The following DCAF1 variants were observed in gnomAD, a reference collection of about 807,000 sequenced individuals.
The protein encoded by DCAF1 is DDB1- and CUL4-associated factor 1.
In DCAF1, 15 loss-of-function variants were observed where a neutral mutation model predicts 128.0. The observed-to-expected ratio is 0.12, with a 90% CI of 0.08 to 0.18. DCAF1 has a LOEUF of 0.18. Among genes scored for constraint, DCAF1 ranks in the 10% least tolerant of loss-of-function variants. The pLI, the probability that DCAF1 is intolerant of heterozygous loss-of-function variation, is 1.00. For missense variants in DCAF1, 988 were observed against 1,649.5 expected, an observed-to-expected ratio of 0.60 and a Z score of 6.95; for synonymous variants, 610 against 603.0, an observed-to-expected ratio of 1.01 and a Z score of -0.17.
At chr3:51,499,203 C>T (rs969640847) in intron 1 of DCAF1, among the ~76,000 whole-genome samples, 2 of 152,232 alleles carry the variant, frequency 1.3e-5, no homozygotes, top group Non-Finnish European at 2.9e-5. Context: ...CAGTTGAAAA[C>T]TACTATAACC....
chr3:51,436,805 C>T (rs1553636840), intron 9 of DCAF1, among the ~76,000 whole-genome samples: 2 of 152,048 alleles, frequency 1.3e-5, no homozygotes, highest in Admixed American at 6.6e-5. Flanking sequence ...GGGGAAAGAA[C>T]GTAAAGAGAC....
chr3:51,420,903 C>T lies in DCAF1; in HGVS notation c.2067G>A (p.Val689=), dbSNP rs782550143. 10 of 1,613,980 alleles carry T rather than the reference C, an allele frequency of 6.2e-6. No homozygotes were observed. In the East Asian group the frequency reaches 1.8e-4, roughly 29 times the overall value. ...KSALQIIINC[V]CGPDNRISSI... is the part of the protein sequence containing the mutation. ...TGGATATTCGGTTATCTGGGCCACACACACAATTGATGATAATCTGAAGTG... is the reference window on the plus strand; with the variant it reads ...TGGATATTCGGTTATCTGGGCCACATACACAATTGATGATAATCTGAAGTG... Residue 689 remains valine (V), a synonymous_variant, in exon 15 of 25, where the codon GTG becomes GTA. Coordinates refer to ENST00000684031, the MANE Select transcript of DCAF1 (RefSeq NM_001387579.1). This position sits in a 1 kb window ranked among gnomAD's most constrained non-coding sequence, Gnocchi z 6.5.
intron 2 of DCAF1, among the ~76,000 whole-genome samples, chr3:51,492,590 A>G (rs1381251216): frequency 6.6e-6 from 1 of 152,210 alleles, no homozygotes; most frequent in African/African-American, 2.4e-5. Context: ...AATCAAAACC[A>G]TAATGAGATA....
intron 2 of DCAF1, among the ~76,000 whole-genome samples, chr3:51,487,949 C>T (rs1375822031): frequency 6.6e-6 from 1 of 152,080 alleles, no homozygotes; most frequent in African/African-American, 2.4e-5. Context: ...ACTGCAACCT[C>T]CACCTCCTGG....
At chr3:51,473,262 CA>C (rs782434269) in intron 3 of DCAF1, among the ~76,000 whole-genome samples, 134 of 120,974 alleles carry the variant, frequency 1.1e-3, no homozygotes, top group Non-Finnish European at 1.2e-3. Flanking sequence ...AACTCTATCT[CA>C]AAAAAAAAAA....
At chr3:51,483,910 A>G in intron 2 of DCAF1, 74 bp from the exon 3 acceptor site, 1 of 1,041,326 alleles carries the variant, frequency 9.6e-7, no homozygotes, top group Non-Finnish European at 1.5e-6. Flanking sequence ...AAGAAGGGGT[A>G]GAAAAGGACG....
chr3:51,412,348 T>C, intron 23 of DCAF1, 31 bp downstream of exon 23: 2 of 1,613,308 alleles, frequency 1.2e-6, no homozygotes, highest in Non-Finnish European at 1.7e-6. Context: ...TAAGCACTGT[T>C]CAGCAGAAAG....
downstream of DCAF1, chr3:51,396,063 A>G (rs782146326): frequency 2.9e-5 from 12 of 411,474 alleles, no homozygotes; most frequent in Admixed American, 2.2e-4. Context: ...GCAGCTCTCC[A>G]ACAAACGCCT....
At chr3:51,435,711 C>A (rs76577178) in intron 9 of DCAF1, among the ~76,000 whole-genome samples, 107 of 140,732 alleles carry the variant, frequency 7.6e-4, no homozygotes, top group South Asian at 9.0e-4. Context: ...AACTCTGTCT[C>A]AAAAAAAAAA....
At position 51,422,370 on chromosome 3, in the gene DCAF1, G is replaced by T; in HGVS notation, c.1909C>A (p.Gln637Lys). Residue 637 changes from glutamine to lysine, a missense_variant, in exon 14 of 25, where the codon CAG becomes AAG. Coordinates refer to ENST00000684031, the MANE Select transcript of DCAF1 (RefSeq NM_001387579.1). Reference sequence around the variant, plus strand: ...TCCACTGATTCTGCCAACTGGAGCTGGATTTTTGGCACCACAGTAAGAATA... The same window carrying T: ...TCCACTGATTCTGCCAACTGGAGCTTGATTTTTGGCACCACAGTAAGAATA... ...LAILTVVPKI[Q>K]LQLAESVDVL... 1.3e-6 allele frequency: 1 copy of T among 753,378 alleles called. No homozygotes were observed. The highest frequency in any genetic ancestry group is 2.5e-5 in the East Asian group (1 of 40,206). The allele number at this position is 753,378 out of a possible 1,614,324, so 46.7% of individuals were successfully genotyped here.
Position 51,420,826 on chromosome 3 carries a change from G to A in DCAF1, c.2144C>T (p.Pro715Leu), listed in dbSNP as rs782134454. 2 of 1,613,996 alleles carry A rather than the reference G, an allele frequency of 1.2e-6. No homozygotes were observed. Among genetic ancestry groups the A allele is most frequent in the Non-Finnish European group, 1.7e-6 (2 of 1,179,888 alleles). The change falls in exon 15 of 25, where the codon CCT (proline) becomes CTT (leucine). Residue 715 changes from proline (P) to leucine (L), a missense_variant. This residue lies in a region of DCAF1 where 185 missense variants were observed against 248.1 expected (regional missense o/e 0.75). Transcript: ENST00000684031. This position sits in a 1 kb window ranked among gnomAD's most constrained non-coding sequence, Gnocchi z 6.5. ...GTPRRKLPQN[P>L]KSSEHTLAKM... ...GGCCAGGGTGTGCTCACTGCTTTTAGGGTTCTGAGGCAGCTTTCTCCGAGG... is the reference window on the plus strand; with the variant it reads ...GGCCAGGGTGTGCTCACTGCTTTTAAGGTTCTGAGGCAGCTTTCTCCGAGG...
At chr3:51,448,900 T>A (rs1377027471) in intron 6 of DCAF1, among the ~76,000 whole-genome samples, 1 of 152,022 alleles carries the variant, frequency 6.6e-6, no homozygotes, top group Non-Finnish European at 1.5e-5. Flanking sequence ...CATAGAACTT[T>A]TTCCATGTTC....
At chr3:51,497,415 C>T (rs929037452) in intron 1 of DCAF1, among the ~76,000 whole-genome samples, 4 of 151,658 alleles carry the variant, frequency 2.6e-5, no homozygotes, top group African/African-American at 4.9e-5. Flanking sequence ...GGTGAAACCC[C>T]GTGTCTACTA....
At chr3:51,471,247 G>C (rs577837797) in intron 3 of DCAF1, among the ~76,000 whole-genome samples, 2 of 146,904 alleles carry the variant, frequency 1.4e-5, no homozygotes, top group South Asian at 4.3e-4. Context: ...GCAGTGGTGT[G>C]ATCTTGGCTC....
chr3:51,429,342 C>T lies in DCAF1; in HGVS notation c.1596G>A (p.Leu532=), dbSNP rs1304428012. Residue 532 remains leucine (L), a synonymous_variant, in exon 12 of 25, where the codon CTG becomes CTA. Transcript: ENST00000684031. The part of the protein sequence containing the change: ...MALRKYFEAH[L]AIKLEQVKQS... ...GCTTCACTTGTTCCAATTTAATGGC[C>T]AGGTGAGCCTCAAAGTATTTGCGCA... 2.6e-6 allele frequency: 2 copies of T among 780,830 alleles called. No homozygotes were observed. Among genetic ancestry groups the T allele is most frequent in the Non-Finnish European group, 4.8e-6 (2 of 417,990 alleles). 48.4% of individuals were successfully genotyped at this position (780,830 alleles called of 1,614,324 possible). A position where few individuals can be genotyped will look rare whatever the true frequency, so the allele number is the denominator to read the frequency against.
chr3:51,476,842 T>C (rs1342432883), intron 3 of DCAF1, among the ~76,000 whole-genome samples: 1 of 151,936 alleles, frequency 6.6e-6, no homozygotes, highest in Non-Finnish European at 1.5e-5. Context: ...ACCACTGCAC[T>C]CCAGCCTGGG....
At chr3:51,396,309 G>A (rs1460823442), downstream of DCAF1, 1 of 181,486 alleles carries the variant, frequency 5.5e-6, no homozygotes. Context: ...GCCCCAAAAA[G>A]AACTGCCAAG....
At position 51,412,459 on chromosome 3, in the gene DCAF1, G is replaced by A; in HGVS notation, c.4132C>T (p.Leu1378=). 1.2e-6 allele frequency: 2 copies of A among 1,613,908 alleles called. No homozygotes were observed. The highest frequency in any genetic ancestry group is 1.7e-6 in the Non-Finnish European group (2 of 1,179,864). ...AGCCTGCATACTGTGTCCATGTTCA[G>A]GGCATCCATGCTGCCTTGATTCTGA... is the stretch of plus-strand genomic sequence containing the variant. ...VIENQGSMDA[L]NMDTVCRLYE... Residue 1378 remains leucine (L), a synonymous_variant, in exon 23 of 25, where the codon CTG becomes TTG. Transcript: ENST00000684031.
chr3:51,476,900 G>A (rs921703818), intron 3 of DCAF1, among the ~76,000 whole-genome samples: 2 of 151,536 alleles, frequency 1.3e-5, no homozygotes, highest in Admixed American at 6.6e-5. Context: ...TGGCCAACGT[G>A]GTAAAACCCT....
Sources: gnomAD v4.1 joint callset for allele counts (sites outside exome capture counted in the v4.1 genomes callset) on GRCh38, gnomAD v4.1.1 for gene constraint, gnomAD v4.1.1 regional missense constraint, Gnocchi (gnomAD v3.1) non-coding constraint, MANE v1.5 for transcripts, NCBI Gene and HGNC (gene_info 2026-07-23, HGNC 2026-07-21) for gene names.